The following PAX3 variants were observed in gnomAD, a reference collection of about 807,000 sequenced individuals.
The protein encoded by PAX3 is paired box protein Pax-3.
PAX3 carries 14 observed loss-of-function variants against 51.6 expected under a neutral mutation model. The observed-to-expected ratio is 0.27, with a 90% confidence interval of 0.18 to 0.42. The LOEUF (loss-of-function observed/expected upper bound fraction) is 0.42, where lower values mean the gene tolerates loss of function less well. Ranked by LOEUF, PAX3 falls within the 10% of genes least tolerant of loss-of-function variation. The pLI is 1.00. For missense variants in PAX3, 540 were observed against 642.8 expected (o/e 0.84, Z 1.73); for synonymous variants, 280 against 253.4 (o/e 1.11, Z -1.00).
chr2:222,203,781 A>G (rs1691400015), intron 7 of PAX3, among the ~76,000 whole-genome samples: 1 of 152,180 alleles, frequency 6.6e-6, no homozygotes, highest in Non-Finnish European at 1.5e-5. Flanking sequence ...TAAAGCTCTG[A>G]GCTGATCCAT....
At chr2:222,231,986 T>C (rs2106094720) in intron 5 of PAX3, 92 bp downstream of exon 5, 3 of 1,131,486 alleles carry the variant, frequency 2.7e-6, no homozygotes, top group East Asian at 2.3e-5. Context: ...TAATACATTT[T>C]TGGGGGGGAT....
rs1210750679 is a variant in PAX3 at position 222,298,677 on chromosome 2, G to A, written c.-62C>T. The stretch of plus-strand genomic sequence containing the variant: ...GAAGGCGAAACGGAAAGGCGAGTGC[G>A]GCGCGGATGACCCTCGGGAACTATC... On this transcript the variant is annotated 5_prime_UTR_variant, in exon 1 of 9. Transcript: ENST00000392070. The A allele has an allele frequency of 4.1e-6, 6 of 1,463,272 alleles. No individual in the cohort carries two copies. In the Admixed American group the frequency reaches 1.2e-4, roughly 29 times the overall value. The allele number at this position is 1,463,272 out of a possible 1,614,324, so 90.6% of individuals were successfully genotyped here. A position where few individuals can be genotyped will look rare whatever the true frequency, so the allele number is the denominator to read the frequency against.
At chr2:222,213,092 A>G (rs45620537) in intron 7 of PAX3, among the ~76,000 whole-genome samples, 1,610 of 152,314 alleles carry the variant, frequency 0.011, 26 homozygotes, top group African/African-American at 0.036. Flanking sequence ...TAATTAATTC[A>G]GCAAGGAAGG....
intron 4 of PAX3, among the ~76,000 whole-genome samples, chr2:222,245,642 G>T (rs1343281487): frequency 6.6e-6 from 1 of 150,940 alleles, no homozygotes; most frequent in Non-Finnish European, 1.5e-5. Flanking sequence ...GGAGAGAAGA[G>T]AAAATAACTG....
At chr2:222,264,263 A>G (rs1427136240) in intron 4 of PAX3, 1 of 152,266 alleles carries the variant, frequency 6.6e-6, no homozygotes, top group Non-Finnish European at 1.5e-5. Flanking sequence ...AACCTCTAAG[A>G]CATAATGCTA....
intron 7 of PAX3, among the ~76,000 whole-genome samples, chr2:222,203,640 G>T (rs1438721221): frequency 6.6e-6 from 1 of 152,116 alleles, no homozygotes; most frequent in African/African-American, 2.4e-5. Flanking sequence ...TGAGAGGCAG[G>T]TGAGGCGGGG....
intron 4 of PAX3, among the ~76,000 whole-genome samples, chr2:222,284,560 T>C (rs1050990395): frequency 1.3e-5 from 2 of 152,182 alleles, no homozygotes; most frequent in Non-Finnish European, 2.9e-5. Context: ...ATAAACTCAA[T>C]TTTTTGACTT....
chr2:222,298,394 G>C, intron 1 of PAX3, 137 bp downstream of exon 1: 1 of 685,276 alleles, frequency 1.5e-6, no homozygotes, highest in Non-Finnish European at 2.6e-6. Flanking sequence ...GCCCCCGACT[G>C]GTGCTTCTTG....
At chr2:222,291,207 G>C (rs2106191163) in intron 4 of PAX3, among the ~76,000 whole-genome samples, 1 of 152,310 alleles carries the variant, frequency 6.6e-6, no homozygotes, top group South Asian at 2.1e-4. Flanking sequence ...CCACAGCCCC[G>C]GATGCCTCGG....
intron 4 of PAX3, among the ~76,000 whole-genome samples, chr2:222,245,191 G>T (rs1314800189): frequency 6.6e-6 from 1 of 152,130 alleles, no homozygotes; most frequent in African/African-American, 2.4e-5. Context: ...AGGTAGCTAT[G>T]AAAGTAAATA....
intron 4 of PAX3, among the ~76,000 whole-genome samples, chr2:222,232,595 A>G (rs1170352041): frequency 1.3e-5 from 2 of 152,144 alleles, no homozygotes; most frequent in Non-Finnish European, 2.9e-5. Flanking sequence ...TGCTCATAGC[A>G]TCTGTCATTC....
At chr2:222,253,819 C>T (rs1272497387) in intron 4 of PAX3, among the ~76,000 whole-genome samples, 3 of 151,958 alleles carry the variant, frequency 2.0e-5, no homozygotes, top group African/African-American at 7.2e-5. Flanking sequence ...CCACCACATC[C>T]CACTAATTTT....
chr2:222,277,489 T>TA (rs1454686319), intron 4 of PAX3, among the ~76,000 whole-genome samples: 1 of 152,138 alleles, frequency 6.6e-6, no homozygotes. Context: ...CTAATATTTA[T>TA]AAAACACAAA....
chr2:222,232,713 C>T (rs1302856993), intron 4 of PAX3, among the ~76,000 whole-genome samples: 4 of 152,078 alleles, frequency 2.6e-5, no homozygotes, highest in Non-Finnish European at 4.4e-5. Context: ...GAATGGATCA[C>T]ATTGAGTTTT....
intron 4 of PAX3, among the ~76,000 whole-genome samples, chr2:222,245,130 A>G (rs896926276): frequency 6.6e-6 from 1 of 152,234 alleles, no homozygotes. Context: ...CCTGGACAAC[A>G]GAACGAGACT....
At chr2:222,240,782 T>C (rs1259724680) in intron 4 of PAX3, among the ~76,000 whole-genome samples, 2 of 152,202 alleles carry the variant, frequency 1.3e-5, no homozygotes, top group Non-Finnish European at 2.9e-5. Context: ...TGTATATGTG[T>C]GTAACAAGAA....
At chr2:222,270,069 G>C (rs1376730909) in intron 4 of PAX3, among the ~76,000 whole-genome samples, 1 of 152,164 alleles carries the variant, frequency 6.6e-6, no homozygotes, top group Non-Finnish European at 1.5e-5. Context: ...CACTGTAGCT[G>C]AGGCTATAGA....
chr2:222,208,327 A>G (rs1691593285), intron 7 of PAX3, among the ~76,000 whole-genome samples: 1 of 152,128 alleles, frequency 6.6e-6, no homozygotes, highest in Non-Finnish European at 1.5e-5. Context: ...AATGAAAAAT[A>G]TAACAAAACA....
chr2:222,237,763 G>C (rs1692855451), intron 4 of PAX3, among the ~76,000 whole-genome samples: 1 of 151,954 alleles, frequency 6.6e-6, no homozygotes, highest in Non-Finnish European at 1.5e-5. Flanking sequence ...ATCATAAGCT[G>C]GTGAACTGAT....
Sources: gnomAD v4.1 joint callset for allele counts (sites outside exome capture counted in the v4.1 genomes callset) on GRCh38, gnomAD v4.1.1 for gene constraint, MANE v1.5 for transcripts, NCBI Gene and HGNC (gene_info 2026-07-23, HGNC 2026-07-21) for gene names.